The following PLAC1 variants were observed in gnomAD, a reference collection of about 807,000 sequenced individuals.
The protein encoded by PLAC1 is placenta associated 1.
For missense variants in PLAC1, 136 were observed against 163.2 expected (o/e 0.83, Z 0.91); for synonymous variants, 68 against 62.1 (o/e 1.09, Z -0.44).
At chrX:134,617,516 T>C (rs776599879) in intron 1 of PLAC1, among the ~76,000 whole-genome samples, 1 of 111,883 alleles carries the variant, frequency 8.9e-6, no homozygotes, top group Non-Finnish European at 1.9e-5. Flanking sequence ...TATACTTAAT[T>C]TGTTGAGAGT....
At chrX:134,616,232 T>G (rs914384605) in intron 1 of PLAC1, among the ~76,000 whole-genome samples, 1 of 111,668 alleles carries the variant, frequency 9.0e-6, no homozygotes, top group Non-Finnish European at 1.9e-5. Context: ...TCCTCCCACC[T>G]TGGCTTCCCA....
chrX:134,705,138 C>T (rs972842484), intron 2 of PLAC1, among the ~76,000 whole-genome samples: 6 of 101,409 alleles, frequency 5.9e-5, no homozygotes, highest in Middle Eastern at 5.5e-3. Flanking sequence ...GCAAGAGAAT[C>T]GGCCAGGCAC....
At chrX:134,669,928 T>C (rs1229375446) in intron 2 of PLAC1, among the ~76,000 whole-genome samples, 2 of 111,746 alleles carry the variant, frequency 1.8e-5, no homozygotes, top group African/African-American at 3.3e-5. Context: ...TGGCTGGGGT[T>C]CACAGGAGGC....
intron 1 of PLAC1, among the ~76,000 whole-genome samples, chrX:134,647,151 A>G (rs2078337545): frequency 9.0e-6 from 1 of 111,484 alleles, no homozygotes; most frequent in South Asian, 3.8e-4. Flanking sequence ...TAGGCAGGAA[A>G]TAGCAGCCCT....
At chrX:134,615,203 G>C (rs1171424293) in intron 1 of PLAC1, among the ~76,000 whole-genome samples, 4 of 112,051 alleles carry the variant, frequency 3.6e-5, no homozygotes, top group Non-Finnish European at 7.5e-5. Flanking sequence ...GCAGTGTACA[G>C]GTGGGTCCCT....
At chrX:134,670,582 C>T (rs967992082) in intron 2 of PLAC1, among the ~76,000 whole-genome samples, 1 of 111,105 alleles carries the variant, frequency 9.0e-6, no homozygotes, top group Non-Finnish European at 1.9e-5. Flanking sequence ...GCTGAGTTCA[C>T]AAGCCACTGG....
At chrX:134,762,844 A>AAAAAAAG (rs1569416103) in intron 1 of PLAC1, among the ~76,000 whole-genome samples, 1 of 104,871 alleles carries the variant, frequency 9.5e-6, no homozygotes, top group Non-Finnish European at 1.9e-5. Flanking sequence ...AAAAAAAAAA[A>AAAAAAAG]AAAAGAAAAG....
At chrX:134,645,534 G>T (rs776890219) in intron 1 of PLAC1, among the ~76,000 whole-genome samples, 1 of 111,322 alleles carries the variant, frequency 9.0e-6, no homozygotes, top group African/African-American at 3.3e-5. Context: ...TCTTCCTTTT[G>T]TTTGGCTGCT....
chrX:134,736,038 G>A (rs1169225226), intron 1 of PLAC1, among the ~76,000 whole-genome samples: 3 of 110,125 alleles, frequency 2.7e-5, no homozygotes, highest in African/African-American at 6.6e-5. Context: ...AGCACTTTGG[G>A]AGGCCGAGGC....
chrX:134,651,031 G>A (rs938087364), intron 1 of PLAC1: 2 of 249,604 alleles, frequency 8.0e-6, no homozygotes, highest in African/African-American at 2.8e-5. Flanking sequence ...CCTGTTTCTC[G>A]ACTGAAATCT....
At chrX:134,647,410 C>CTGTGTGTGTGTGTG (rs200761671) in intron 1 of PLAC1, among the ~76,000 whole-genome samples, 24 of 90,142 alleles carry the variant, frequency 2.7e-4, no homozygotes, top group African/African-American at 9.5e-4. Context: ...ATGCATGCAT[C>CTGTGTGTGTGTGTG]TGTGTGTGTG....
intron 2 of PLAC1, among the ~76,000 whole-genome samples, chrX:134,569,943 A>G (rs112511751): frequency 0.042 from 4,633 of 110,433 alleles, 230 homozygotes; most frequent in African/African-American, 0.14. Flanking sequence ...CTTCTGCCTC[A>G]GCCTCCCAAG....
chrX:134,701,583 T>C (rs1251111781), intron 2 of PLAC1, among the ~76,000 whole-genome samples: 1 of 111,604 alleles, frequency 9.0e-6, no homozygotes, highest in African/African-American at 3.3e-5. Flanking sequence ...ATTTAAACAA[T>C]TCAACAAGCA....
Position 134,566,117 on chromosome X carries a change from A to T in PLAC1, c.566T>A (p.Leu189Gln). The change falls in exon 3 of 3, where the codon CTG becomes CAG. Residue 189 changes from leucine to glutamine, a missense_variant. By Grantham distance (113) the Leu-to-Gln change is moderately radical. Coordinates refer to ENST00000359237, the MANE Select transcript of PLAC1 (RefSeq NM_021796.4). ...AATATCAAGAAAGTGAGATGGCTGC[A>T]GAGGTTGAGCCTCCTGAGCCCCTGC... The part of the protein sequence containing the change: ...HQAGAQEAQP[L>Q]QPSHFLDISE... The T allele has an allele frequency of 2.5e-6, 3 of 1,208,735 alleles. No homozygotes were observed. The highest frequency in any genetic ancestry group is 3.4e-6 in the Non-Finnish European group (3 of 892,463).
intron 2 of PLAC1, among the ~76,000 whole-genome samples, chrX:134,708,995 C>T (rs2078619250): frequency 8.9e-6 from 1 of 111,813 alleles, no homozygotes; most frequent in Non-Finnish European, 1.9e-5. Flanking sequence ...GGGGGCCTCT[C>T]TGTACCATAT....
chrX:134,758,845 T>C (rs1250370719), intron 1 of PLAC1, among the ~76,000 whole-genome samples: 2 of 111,907 alleles, frequency 1.8e-5, no homozygotes, highest in Admixed American at 1.9e-4. Flanking sequence ...AAACAACCTG[T>C]TGAATATGAG....
At chrX:134,701,079 A>G (rs2078581607) in intron 2 of PLAC1, among the ~76,000 whole-genome samples, 1 of 112,069 alleles carries the variant, frequency 8.9e-6, no homozygotes, top group African/African-American at 3.2e-5. Context: ...GTACTGGTAC[A>G]AAAACAGACA....
intron 1 of PLAC1, among the ~76,000 whole-genome samples, chrX:134,762,900 A>G (rs918565770): frequency 4.6e-5 from 5 of 108,948 alleles, no homozygotes; most frequent in Non-Finnish European, 9.5e-5. Context: ...AAACTATTAC[A>G]TTATAGATGA....
intron 1 of PLAC1, among the ~76,000 whole-genome samples, chrX:134,758,053 A>G (rs2078761163): frequency 9.0e-6 from 1 of 111,339 alleles, no homozygotes; most frequent in Non-Finnish European, 1.9e-5. Context: ...CCCATTTACA[A>G]TAGTTACAAA....
Sources: allele counts gnomAD v4.1 joint callset (sites outside exome capture counted in the v4.1 genomes callset), GRCh38; gene constraint gnomAD v4.1.1; transcripts MANE v1.5; gene names NCBI Gene and HGNC (gene_info 2026-07-23, HGNC 2026-07-21).